The following MACROD2 variants were observed in gnomAD, a reference collection of about 807,000 sequenced individuals.
MACROD2 encodes mono-ADP ribosylhydrolase 2.
Under a neutral mutation model 70.4 loss-of-function variants are expected in MACROD2, and 36 were observed. The observed-to-expected ratio is 0.51, with a 90% CI of 0.39 to 0.68. MACROD2 has a LOEUF of 0.68. MACROD2 is among the 30% of genes least tolerant of loss of function. The pLI is 0.00. For synonymous variants in MACROD2, 172 were observed against 178.8 expected (o/e 0.96, Z 0.30); for missense variants, 496 against 538.4 (o/e 0.92, Z 0.78).
intron 7 of MACROD2, among the ~76,000 whole-genome samples, chr20:15,458,856 C>T (rs2046769916): frequency 6.6e-6 from 1 of 152,034 alleles, no homozygotes; most frequent in South Asian, 2.1e-4. Context: ...TACCCCTTCA[C>T]CTGCACCTGG....
intron 6 of MACROD2, among the ~76,000 whole-genome samples, chr20:15,272,048 A>T (rs545034792): frequency 6.6e-6 from 1 of 152,226 alleles, no homozygotes; most frequent in Non-Finnish European, 1.5e-5. Flanking sequence ...ACTCAATCCT[A>T]TTAACACAAT....
intron 5 of MACROD2, among the ~76,000 whole-genome samples, chr20:14,716,218 T>C (rs2071395359): frequency 6.6e-6 from 1 of 152,204 alleles, no homozygotes; most frequent in African/African-American, 2.4e-5. Context: ...AAAGATAGTT[T>C]TTTAAATGTG....
intron 7 of MACROD2, among the ~76,000 whole-genome samples, chr20:15,455,357 G>A (rs6074898): frequency 0.85 from 129,671 of 152,166 alleles, 55,407 homozygotes; most frequent in East Asian, 0.95. Flanking sequence ...CAGCTTATCC[G>A]GTTACTTTAG....
rs564898829 is a variant in MACROD2 at position 14,900,142 on chromosome 20, T to G, written c.418+215183T>G. Among the ~76,000 whole-genome samples, 4 of 152,274 alleles carry G rather than the reference T, an allele frequency of 2.6e-5. No individual in the cohort carries two copies. The East Asian group carries it at 7.7e-4, about 29-fold the overall frequency. ...TACTTTTCATATGTTGAACCAACTT[T>G]GAATTTCTGGAATAGCTCCCACTTG... On this transcript the variant is annotated intron_variant, in intron 5 of 17. Coordinates refer to ENST00000684519, the MANE Select transcript of MACROD2 (RefSeq NM_001351661.2).
chr20:14,259,452 T>C (rs1227771977), intron 3 of MACROD2, among the ~76,000 whole-genome samples: 2 of 152,230 alleles, frequency 1.3e-5, no homozygotes, highest in Non-Finnish European at 2.9e-5. Context: ...TTTGTTTCTG[T>C]AGCTCATACT....
At chr20:14,332,166 A>G (rs2082854590) in intron 3 of MACROD2, among the ~76,000 whole-genome samples, 1 of 152,136 alleles carries the variant, frequency 6.6e-6, no homozygotes, top group Admixed American at 6.6e-5. Context: ...GGATCCTTAT[A>G]TTCATATTCA....
intron 8 of MACROD2, among the ~76,000 whole-genome samples, chr20:15,764,609 A>G (rs1055440552): frequency 2.0e-5 from 3 of 152,150 alleles, no homozygotes; most frequent in Non-Finnish European, 2.9e-5. Context: ...CAGTTTTATT[A>G]TTAAAATACG....
intron 3 of MACROD2, among the ~76,000 whole-genome samples, chr20:14,191,707 A>G (rs1343467098): frequency 2.0e-5 from 3 of 152,242 alleles, no homozygotes; most frequent in Admixed American, 6.5e-5. Context: ...GAATATTTGA[A>G]GGAAGAGTAT....
chr20:14,601,000 G>A (rs762324801), intron 4 of MACROD2, among the ~76,000 whole-genome samples: 2 of 152,120 alleles, frequency 1.3e-5, no homozygotes, highest in Non-Finnish European at 2.9e-5. Flanking sequence ...CTGTCTTGTT[G>A]ACTATGAGAC....
chr20:15,742,329 A>T (rs1261115577), intron 8 of MACROD2, among the ~76,000 whole-genome samples: 1 of 152,212 alleles, frequency 6.6e-6, no homozygotes, highest in Non-Finnish European at 1.5e-5. Context: ...CTACAGAAGC[A>T]AAACAAAATG....
At position 14,684,510 on chromosome 20, in the gene MACROD2, A is replaced by T. The variant is rs377279644; in HGVS notation, c.302-333A>T. Among the ~76,000 whole-genome samples the T allele has an allele frequency of 2.2e-3, 342 of 152,304 alleles. 3 individuals carry two copies. The highest frequency in any genetic ancestry group is 7.7e-3 in the African/African-American group (320 of 41,572). ...AGTGACATCAAGTTAATAGCTTAAA[A>T]TTGGATATGGGGAAAGGAATTATAC... On this transcript the variant is annotated intron_variant, in intron 4 of 17. Transcript: ENST00000684519.
chr20:15,131,231 T>A (rs188523583), intron 5 of MACROD2, among the ~76,000 whole-genome samples: 7 of 152,136 alleles, frequency 4.6e-5, no homozygotes, highest in African/African-American at 1.7e-4. Context: ...ATGTAGGGAA[T>A]CAATGAAGAA....
intron 8 of MACROD2, among the ~76,000 whole-genome samples, chr20:15,804,170 T>C (rs1005407541): frequency 6.6e-6 from 1 of 152,224 alleles, no homozygotes; most frequent in African/African-American, 2.4e-5. Context: ...CAGGCCCTAC[T>C]TATAAACTTC....
At chr20:14,515,365 C>T (rs775646119) in intron 4 of MACROD2, among the ~76,000 whole-genome samples, 4 of 151,570 alleles carry the variant, frequency 2.6e-5, no homozygotes, top group Non-Finnish European at 5.9e-5. Context: ...ATCTGCACTC[C>T]CATGTTTATT....
chr20:14,822,782 A>C (rs745361056), intron 5 of MACROD2, among the ~76,000 whole-genome samples: 3 of 152,148 alleles, frequency 2.0e-5, no homozygotes, highest in African/African-American at 7.2e-5. Context: ...AATTATTATC[A>C]TACATCTGTG....
intron 3 of MACROD2, among the ~76,000 whole-genome samples, chr20:14,306,369 G>C (rs1476007961): frequency 6.6e-6 from 1 of 152,006 alleles, no homozygotes; most frequent in Non-Finnish European, 1.5e-5. Flanking sequence ...TTGAGGACAG[G>C]TTCTGTGTTG....
intron 3 of MACROD2, among the ~76,000 whole-genome samples, chr20:14,219,170 T>C (rs575181804): frequency 6.1e-4 from 93 of 152,296 alleles, no homozygotes; most frequent in Non-Finnish European, 1.1e-3. Context: ...GGAACACTGA[T>C]TATTTTTAGG....
At chr20:14,325,463 TTTTCCAGTG>T (rs1271966995) in intron 3 of MACROD2, 1 of 1,321,454 alleles carries the variant, frequency 7.6e-7, no homozygotes, top group African/African-American at 1.5e-5. Flanking sequence ...TTCAGTCTCT[TTTTCCAGTG>T]TTTTGCAGTA....
At position 15,205,318 on chromosome 20, in the gene MACROD2, A is replaced by G. The variant is rs193271772; in HGVS notation, c.419-24622A>G. 4.6e-3 allele frequency among the ~76,000 whole-genome samples: 704 copies of G among 152,340 alleles called. 3 individuals carry two copies. The highest frequency in any genetic ancestry group is 7.5e-3 in the Admixed American group (114 of 15,294). On this transcript the variant is annotated intron_variant, in intron 5 of 17. Coordinates refer to ENST00000684519, the MANE Select transcript of MACROD2 (RefSeq NM_001351661.2). ...ATCAGTAACAGTGAACTTTGGAAGAAGGATGATCATACTGTTAAAGTGTGA... is the reference window on the plus strand; with the variant it reads ...ATCAGTAACAGTGAACTTTGGAAGAGGGATGATCATACTGTTAAAGTGTGA...
Sources: allele counts gnomAD v4.1 joint callset (sites outside exome capture counted in the v4.1 genomes callset), GRCh38; gene constraint gnomAD v4.1.1; transcripts MANE v1.5; gene names NCBI Gene and HGNC (gene_info 2026-07-23, HGNC 2026-07-21).